Variants in CAPN2 observed in about 807,000 individuals in gnomAD.
The protein encoded by CAPN2 is calpain-2 catalytic subunit.
CAPN2 carries 92 observed loss-of-function variants against 102.3 expected under a neutral mutation model. That is an observed-to-expected ratio of 0.90 (90% CI 0.76 to 1.07). The LOEUF (loss-of-function observed/expected upper bound fraction) is 1.07, where lower values mean the gene tolerates loss of function less well. CAPN2 is among the 50% of genes least tolerant of loss of function. The pLI is 0.00. For synonymous variants in CAPN2, 340 were observed against 355.4 expected (o/e 0.96, Z 0.49); for missense variants, 800 against 909.4 (o/e 0.88, Z 1.55).
intron 1 of CAPN2, among the ~76,000 whole-genome samples, chr1:223,717,447 G>A (rs1014070301): frequency 5.9e-5 from 9 of 152,148 alleles, no homozygotes; most frequent in African/African-American, 1.7e-4. Context: ...TGGTCTCCAC[G>A]TCTGGCAGAA....
chr1:223,761,473 C>T (rs971077310), intron 12 of CAPN2, 108 bp from the exon 13 acceptor site: 2 of 855,968 alleles, frequency 2.3e-6, no homozygotes, highest in African/African-American at 3.3e-5. Flanking sequence ...TGCCCCACCC[C>T]ACCTACCCCC....
chr1:223,707,594 G>T (rs1659638951), upstream of CAPN2, among the ~76,000 whole-genome samples: 1 of 152,222 alleles, frequency 6.6e-6, no homozygotes, highest in African/African-American at 2.4e-5. Context: ...AGTAGTCATT[G>T]TATGTGTTTG....
chr1:223,752,221 C>A, intron 8 of CAPN2, 150 bp downstream of exon 8: 1 of 614,764 alleles, frequency 1.6e-6, no homozygotes, highest in Non-Finnish European at 2.9e-6. Context: ...TTTAAGTTCA[C>A]TATAAGAGCC....
chr1:223,748,804 C>T (rs1183308932), intron 5 of CAPN2, among the ~76,000 whole-genome samples: 1 of 152,354 alleles, frequency 6.6e-6, no homozygotes, highest in African/African-American at 2.4e-5. Context: ...GTGCTCGTTC[C>T]GCGAGAGGGT....
Position 223,759,138 on chromosome 1 carries a change from G to C in CAPN2, c.1318-132G>C. On this transcript the variant is annotated intron_variant, in intron 11 of 20. Coordinates refer to ENST00000295006, the MANE Select transcript of CAPN2 (RefSeq NM_001748.5). This position sits in a 1 kb window ranked among gnomAD's most constrained non-coding sequence, Gnocchi z 4.6. ...AGGCTGGTTTCTGACGCCTGGCCTC[G>C]CCTCCTTATACACCAGGACAGCAGG... 1 of 819,642 alleles carries C rather than the reference G, an allele frequency of 1.2e-6. No individual in the cohort carries two copies. 50.8% of individuals were successfully genotyped at this position (819,642 alleles called of 1,614,324 possible).
At chr1:223,768,716 C>A (rs1661398328) in intron 16 of CAPN2, among the ~76,000 whole-genome samples, 1 of 151,036 alleles carries the variant, frequency 6.6e-6, no homozygotes, top group South Asian at 2.1e-4. Context: ...TTTTCCAATT[C>A]TGTGAAGAAA....
chr1:223,713,003 C>A, intron 1 of CAPN2, 126 bp downstream of exon 1: 1 of 582,172 alleles, frequency 1.7e-6, no homozygotes, highest in Non-Finnish European at 2.5e-6. Flanking sequence ...CAAGCCAGGA[C>A]CTCGCAGTCC....
At chr1:223,762,155 T>G in intron 13 of CAPN2, 31 bp from the exon 14 acceptor site, 2 of 1,594,750 alleles carry the variant, frequency 1.3e-6, no homozygotes, top group Non-Finnish European at 1.7e-6. Context: ...CTCGCTCTGA[T>G]GCATTCTCAT....
intron 2 of CAPN2, among the ~76,000 whole-genome samples, chr1:223,719,285 C>T (rs1220338274): frequency 6.6e-6 from 1 of 152,064 alleles, no homozygotes; most frequent in African/African-American, 2.4e-5. Flanking sequence ...ATCTGTAATC[C>T]CAGCACTTTG....
At chr1:223,734,419 G>T (rs908674088) in intron 2 of CAPN2, among the ~76,000 whole-genome samples, 6 of 152,132 alleles carry the variant, frequency 3.9e-5, no homozygotes, top group Non-Finnish European at 7.4e-5. Context: ...CCAGGTAGCT[G>T]GGACCACAGG....
intron 2 of CAPN2, among the ~76,000 whole-genome samples, chr1:223,729,552 G>A (rs1242201954): frequency 6.6e-6 from 1 of 152,184 alleles, no homozygotes; most frequent in Non-Finnish European, 1.5e-5. Flanking sequence ...TACATTTTAG[G>A]AGGACATAAG....
chr1:223,746,048 C>T (rs1446838794), intron 4 of CAPN2, among the ~76,000 whole-genome samples: 1 of 152,180 alleles, frequency 6.6e-6, no homozygotes, highest in African/African-American at 2.4e-5. Context: ...GTAAGAAGCC[C>T]CACACCAGCC....
chr1:223,732,389 C>G (rs978154723), intron 2 of CAPN2, among the ~76,000 whole-genome samples: 1 of 152,216 alleles, frequency 6.6e-6, no homozygotes. Context: ...ATATGCTAAA[C>G]TTCTTGATTA....
chr1:223,761,602 G>C lies in CAPN2; in HGVS notation c.1551G>C (p.Glu517Asp), dbSNP rs1050023498. ...ADYQAVDDEI[E>D]ANLEEFDISE... ...CCAGAGCTGTCGATGATGAAATCGAGGCCAATCTTGAAGAGGTATTTGTAA... is the reference window on the plus strand; with the variant it reads ...CCAGAGCTGTCGATGATGAAATCGACGCCAATCTTGAAGAGGTATTTGTAA... Residue 517 changes from glutamate to aspartate, a missense_variant, in exon 13 of 21, where the codon GAG (glutamate) becomes GAC (aspartate). Physicochemically the swap from Glu to Asp is conservative, Grantham distance 45 (BLOSUM62 2). Coordinates refer to ENST00000295006, the MANE Select transcript of CAPN2 (RefSeq NM_001748.5). The C allele has an allele frequency of 9.3e-6, 15 of 1,612,604 alleles. No individual in the cohort carries two copies. The highest frequency in any genetic ancestry group is 1.0e-5 in the Non-Finnish European group (12 of 1,178,990).
At chr1:223,712,917 C>G in intron 1 of CAPN2, 40 bp downstream of exon 1, 9 of 1,427,180 alleles carry the variant, frequency 6.3e-6, no homozygotes, top group Non-Finnish European at 7.4e-6. Context: ...GGCGGGGTGC[C>G]GGGCAGGGCG....
rs1311211163 is a variant in CAPN2, at chr1:223,755,452, G to A, written c.1136-28G>A. 6.2e-7 allele frequency: 1 copy of A among 1,612,782 alleles called. No homozygotes were observed. The highest frequency in any genetic ancestry group is 2.2e-5 in the East Asian group (1 of 44,860). ...CCCCCATGCATTCCTGCTCAGGGCT[G>A]GGCTCCTCTGCCCCTTTCTGGCTGC... On this transcript the variant is annotated intron_variant, in intron 9 of 20. Coordinates refer to ENST00000295006, the MANE Select transcript of CAPN2 (RefSeq NM_001748.5). The surrounding 1 kb of genome is among the most constrained non-coding windows in gnomAD (Gnocchi z 4.1).
In CAPN2 at chr1:223,701,687, C is replaced by CA. The variant is rs201695010; in HGVS notation, c.-133dup. 675 of 148,194 alleles carry CA rather than the reference C, an allele frequency of 4.6e-3. 3 individuals are homozygous for CA. Among genetic ancestry groups the CA allele is most frequent in the African/African-American group, 0.015 (597 of 40,282 alleles). The allele number at this position is 148,194 out of a possible 1,614,324, so 9.2% of individuals were successfully genotyped here. ...AGGATGTTCGACTATGTGGAGAAAA[C>CA]AAAAAAAAAGCAAAGAAAAAAATAT... On this transcript the variant is annotated 5_prime_UTR_variant, in exon 1 of 21. Transcript: ENST00000433674.
chr1:223,762,224 G>A lies in CAPN2; in HGVS notation c.1605G>A (p.Arg535=). The change falls in exon 14 of 21, where the codon AGG becomes AGA. Residue 535 remains arginine, a synonymous_variant. Coordinates refer to ENST00000295006, the MANE Select transcript of CAPN2 (RefSeq NM_001748.5). ...AGGATGACATTGATGATGGATTCAG[G>A]AGACTGTTTGCCCAGTTGGCAGGAG... ...ISEDDIDDGF[R]RLFAQLAGED... 1 of 1,614,024 alleles carries A rather than the reference G, an allele frequency of 6.2e-7. No individual in the cohort carries two copies. The highest frequency in any genetic ancestry group is 1.1e-5 in the South Asian group (1 of 91,066).
chr1:223,703,957 A>T (rs1165557053), intron 1 of CAPN2, among the ~76,000 whole-genome samples: 2 of 152,198 alleles, frequency 1.3e-5, no homozygotes, highest in Non-Finnish European at 2.9e-5. Flanking sequence ...CCCTCTCATG[A>T]ACATCTCATG....
Sources: gnomAD v4.1 joint callset for allele counts (sites outside exome capture counted in the v4.1 genomes callset) on GRCh38, gnomAD v4.1.1 for gene constraint, Gnocchi (gnomAD v3.1) non-coding constraint, MANE v1.5 for transcripts, NCBI Gene and HGNC (gene_info 2026-07-23, HGNC 2026-07-21) for gene names.